ROR1: variants seen among roughly 807,000 people sequenced by gnomAD.
ROR1 encodes ROR family WNT receptor 1.
ROR1 carries 19 observed loss-of-function variants against 78.8 expected under a neutral mutation model. The ratio of observed to expected loss-of-function variants is 0.24; its 90% CI spans 0.17 to 0.35. The LOEUF is 0.35. Among genes scored for constraint, ROR1 ranks in the 10% least tolerant of loss-of-function variants. ROR1 has a pLI of 1.00. For synonymous variants in ROR1, 386 were observed against 433.6 expected (o/e 0.89, Z 1.36); for missense variants, 917 against 1,177.8 (o/e 0.78, Z 3.24).
At chr1:63,975,050 C>A (rs1479396721) in intron 1 of ROR1, among the ~76,000 whole-genome samples, 2 of 152,152 alleles carry the variant, frequency 1.3e-5, no homozygotes, top group African/African-American at 4.8e-5. Flanking sequence ...CTATAATAAA[C>A]TGAGAACAGT....
At chr1:63,816,533 TA>T (rs1398091180) in intron 1 of ROR1, among the ~76,000 whole-genome samples, 5 of 152,202 alleles carry the variant, frequency 3.3e-5, no homozygotes, top group African/African-American at 1.2e-4. Flanking sequence ...TTTGGCATTG[TA>T]AGTCCATTAA....
chr1:63,804,874 T>C (rs759723282), intron 1 of ROR1, among the ~76,000 whole-genome samples: 2 of 152,192 alleles, frequency 1.3e-5, no homozygotes, highest in Admixed American at 6.5e-5. Flanking sequence ...TGAATCAGAA[T>C]GTCCCCTGAG....
intron 4 of ROR1, 134 bp downstream of exon 4, chr1:64,050,850 T>C (rs1000285381): frequency 1.2e-6 from 1 of 847,394 alleles, no homozygotes. Context: ...CTGCCCTCAT[T>C]CCATTTTGCT....
intron 1 of ROR1, among the ~76,000 whole-genome samples, chr1:63,888,783 A>G (rs879880924): frequency 2.6e-5 from 4 of 152,174 alleles, no homozygotes; most frequent in Non-Finnish European, 5.9e-5. Flanking sequence ...TATAGCTATC[A>G]TTTGAGTTCC....
chr1:63,968,670 T>C (rs1310307556), intron 1 of ROR1, among the ~76,000 whole-genome samples: 1 of 152,146 alleles, frequency 6.6e-6, no homozygotes, highest in East Asian at 1.9e-4. Flanking sequence ...ATACACCCAC[T>C]AGTTTCATGC....
At chr1:63,865,376 C>A (rs1396654948) in intron 1 of ROR1, among the ~76,000 whole-genome samples, 1 of 152,148 alleles carries the variant, frequency 6.6e-6, no homozygotes, top group Non-Finnish European at 1.5e-5. Context: ...GTCATTTTTG[C>A]TGTACTCTGG....
chr1:63,885,798 A>T (rs926019247), intron 1 of ROR1, among the ~76,000 whole-genome samples: 1 of 152,134 alleles, frequency 6.6e-6, no homozygotes, highest in South Asian at 2.1e-4. Flanking sequence ...CATATGTTAG[A>T]TCAGTGGTCC....
In ROR1 at chr1:64,017,928, G is replaced by T. The variant is rs149766290; in HGVS notation, c.163+8552G>T. 7.8e-3 allele frequency among the ~76,000 whole-genome samples: 1,183 copies of T among 152,288 alleles called. 15 individuals carry two copies. The highest frequency in any genetic ancestry group is 0.027 in the African/African-American group (1,133 of 41,562). On this transcript the variant is annotated intron_variant, in intron 2 of 8. Coordinates refer to ENST00000371079, the MANE Select transcript of ROR1 (RefSeq NM_005012.4). ...ACTATTTTCAGTAATTACTGGCTAA[G>T]ACGAGGCACATTTCTGGACTCATAA...
intron 4 of ROR1, among the ~76,000 whole-genome samples, chr1:64,121,856 A>G (rs1322455448): frequency 6.6e-6 from 1 of 152,036 alleles, no homozygotes; most frequent in East Asian, 1.9e-4. Context: ...TTTCTTCCTG[A>G]CTTCTACCCT....
intron 2 of ROR1, among the ~76,000 whole-genome samples, chr1:64,032,184 T>C (rs1557618195): frequency 7.9e-5 from 12 of 151,082 alleles, no homozygotes. Context: ...CTACTAAACA[T>C]AAAAAAATTA....
At chr1:63,903,031 CCAGTCCATCT>C (rs1645498574) in intron 1 of ROR1, among the ~76,000 whole-genome samples, 3 of 152,158 alleles carry the variant, frequency 2.0e-5, no homozygotes, top group Admixed American at 2.0e-4. Flanking sequence ...TAGTCACTTC[CCAGTCCATCT>C]CATGTGCCAA....
chr1:64,104,379 G>A (rs1189049130), intron 4 of ROR1, among the ~76,000 whole-genome samples: 1 of 152,076 alleles, frequency 6.6e-6, no homozygotes, highest in Non-Finnish European at 1.5e-5. Flanking sequence ...ACTTTGCAAG[G>A]AGGATGCTGA....
At chr1:64,038,339 C>T (rs1212768173) in intron 2 of ROR1, among the ~76,000 whole-genome samples, 2 of 152,138 alleles carry the variant, frequency 1.3e-5, no homozygotes, top group Non-Finnish European at 2.9e-5. Context: ...TAACCTTGGC[C>T]AGCCTGTTTT....
At chr1:64,151,308 G>A (rs182868092) in intron 7 of ROR1, among the ~76,000 whole-genome samples, 24 of 152,278 alleles carry the variant, frequency 1.6e-4, no homozygotes, top group African/African-American at 4.3e-4. Flanking sequence ...TCAACCCTCA[G>A]CAACCCAGCA....
chr1:64,119,282 A>G (rs1164170426), intron 4 of ROR1, among the ~76,000 whole-genome samples: 1 of 152,130 alleles, frequency 6.6e-6, no homozygotes, highest in Non-Finnish European at 1.5e-5. Context: ...AGTGGAAGGG[A>G]AAGTATATAC....
At chr1:63,835,284 A>G (rs955831155) in intron 1 of ROR1, among the ~76,000 whole-genome samples, 1 of 152,166 alleles carries the variant, frequency 6.6e-6, no homozygotes, top group African/African-American at 2.4e-5. Context: ...CATCATGCAA[A>G]CCATCTGGTA....
At chr1:63,835,708 T>C (rs1370366049) in intron 1 of ROR1, among the ~76,000 whole-genome samples, 2 of 152,236 alleles carry the variant, frequency 1.3e-5, no homozygotes, top group Non-Finnish European at 2.9e-5. Flanking sequence ...CAGTAAAATA[T>C]ACTAAAGTAT....
chr1:63,960,337 C>T (rs1646018244), intron 1 of ROR1, among the ~76,000 whole-genome samples: 1 of 152,178 alleles, frequency 6.6e-6, no homozygotes, highest in Non-Finnish European at 1.5e-5. Context: ...GAAGCACGAG[C>T]ATGCTTGGAA....
chr1:64,159,121 G>C lies in ROR1; in HGVS notation c.1315G>C (p.Val439Leu). ...TAACCAGAAGTCATCGTCGGCACCA[G>C]TCCAGAGGCAACCAAAACACGTCAG... ...RNNQKSSSAPVQRQPKHVRGQ... is the reference protein window; with the variant it reads ...RNNQKSSSAPLQRQPKHVRGQ... Residue 439 changes from valine (V) to leucine (L), a missense_variant, in exon 8 of 9, where the codon GTC becomes CTC. Coordinates refer to ENST00000371079, the MANE Select transcript of ROR1 (RefSeq NM_005012.4). 6.2e-7 allele frequency: 1 copy of C among 1,614,140 alleles called. No homozygotes were observed. Among genetic ancestry groups the C allele is most frequent in the South Asian group, 1.1e-5 (1 of 91,082 alleles).
Sources: allele counts gnomAD v4.1 joint callset (sites outside exome capture counted in the v4.1 genomes callset), GRCh38; gene constraint gnomAD v4.1.1; transcripts MANE v1.5; gene names NCBI Gene and HGNC (gene_info 2026-07-23, HGNC 2026-07-21).